USH2A: variants seen among roughly 807,000 people sequenced by gnomAD.
USH2A encodes the protein usherin, also known as Usher syndrome 2A (autosomal recessive, mild).
Under a neutral mutation model 538.9 loss-of-function variants are expected in USH2A, and 443 were observed. The observed-to-expected ratio is 0.82, with a 90% CI of 0.76 to 0.89. The LOEUF (loss-of-function observed/expected upper bound fraction) is 0.89. Ranked by LOEUF, USH2A falls within the 40% of genes least tolerant of loss-of-function variation. The probability of loss-of-function intolerance (pLI) is 0.00; values close to 1 mark genes in which losing one functional copy is unlikely to be tolerated. For missense variants in USH2A, 6,633 were observed against 6,324.8 expected, an observed-to-expected ratio of 1.05 and a Z score of -1.65; for synonymous variants, 2,413 against 2,273.5, an observed-to-expected ratio of 1.06 and a Z score of -1.75.
intron 61 of USH2A, among the ~76,000 whole-genome samples, chr1:215,694,994 C>T (rs2102684806): frequency 6.6e-6 from 1 of 152,124 alleles, no homozygotes; most frequent in Admixed American, 6.5e-5. Flanking sequence ...AGTGGTAATC[C>T]TAGGCAATGT....
intron 70 of USH2A, among the ~76,000 whole-genome samples, chr1:215,632,875 A>G (rs1656331233): frequency 6.6e-6 from 1 of 152,206 alleles, no homozygotes; most frequent in Admixed American, 6.5e-5. Context: ...GAACAGGAGC[A>G]AACAGCCCAT....
intron 60 of USH2A, among the ~76,000 whole-genome samples, chr1:215,733,957 C>T (rs1660079343): frequency 6.6e-6 from 1 of 152,172 alleles, no homozygotes; most frequent in Non-Finnish European, 1.5e-5. Flanking sequence ...GAAGTGGCCC[C>T]CTTCCCACAG....
intron 3 of USH2A, among the ~76,000 whole-genome samples, chr1:216,400,501 T>TG (rs921265048): frequency 4.6e-5 from 7 of 151,652 alleles, no homozygotes; most frequent in Admixed American, 3.9e-4. Flanking sequence ...GAGGAGAGAA[T>TG]GGCAGTGAAA....
At chr1:216,373,617 C>A (rs2038757451) in intron 3 of USH2A, among the ~76,000 whole-genome samples, 1 of 152,126 alleles carries the variant, frequency 6.6e-6, no homozygotes, top group Non-Finnish European at 1.5e-5. Flanking sequence ...AAAAGACATT[C>A]TTTTACATAA....
intron 61 of USH2A, among the ~76,000 whole-genome samples, chr1:215,697,527 A>ATT (rs66534325): frequency 1.8e-4 from 28 of 151,610 alleles, no homozygotes; most frequent in Non-Finnish European, 2.7e-4. Flanking sequence ...TTTTATTTAT[A>ATT]TTTTTTTTGT....
At chr1:215,749,631 C>A (rs531626915) in intron 58 of USH2A, among the ~76,000 whole-genome samples, 1 of 152,244 alleles carries the variant, frequency 6.6e-6, no homozygotes, top group African/African-American at 2.4e-5. Context: ...ATGAAATGGG[C>A]ATATTTGTTA....
intron 44 of USH2A, among the ~76,000 whole-genome samples, chr1:215,850,428 C>A (rs1663985925): frequency 6.6e-6 from 1 of 152,064 alleles, no homozygotes; most frequent in East Asian, 1.9e-4. Context: ...TTCTGGGCCC[C>A]ATGCATCTGG....
intron 64 of USH2A, among the ~76,000 whole-genome samples, chr1:215,661,193 T>A (rs976947173): frequency 1.3e-5 from 2 of 152,104 alleles, no homozygotes; most frequent in African/African-American, 2.4e-5. Context: ...ACGAGCTGGT[T>A]TTTCCCCAGA....
At chr1:215,679,385 G>A (rs529733200) in intron 62 of USH2A, among the ~76,000 whole-genome samples, 38 of 152,210 alleles carry the variant, frequency 2.5e-4, no homozygotes, top group Non-Finnish European at 5.1e-4. Context: ...TGCAGTCCCA[G>A]CCCGCAGAAG....
intron 11 of USH2A, among the ~76,000 whole-genome samples, chr1:216,279,092 C>A (rs2036723132): frequency 6.6e-6 from 1 of 151,962 alleles, no homozygotes; most frequent in Admixed American, 6.6e-5. Context: ...TTTTAAATAT[C>A]TCTTAATCAT....
intron 32 of USH2A, among the ~76,000 whole-genome samples, chr1:216,029,402 AC>A (rs1230740783): frequency 6.6e-6 from 1 of 152,094 alleles, no homozygotes; most frequent in African/African-American, 2.4e-5. Flanking sequence ...TATTTTGTGT[AC>A]ATATTAGTTA....
intron 21 of USH2A, among the ~76,000 whole-genome samples, chr1:216,121,050 T>C (rs769950043): frequency 7.2e-5 from 11 of 152,174 alleles, no homozygotes; most frequent in Non-Finnish European, 1.3e-4. Context: ...GAACATTTAT[T>C]TAAGAGGTGA....
At chr1:216,173,298 T>A (rs1020383792) in intron 21 of USH2A, among the ~76,000 whole-genome samples, 16 of 152,134 alleles carry the variant, frequency 1.1e-4, no homozygotes, top group Non-Finnish European at 2.2e-4. Flanking sequence ...AATAACTTAG[T>A]ATATACATGG....
intron 32 of USH2A, among the ~76,000 whole-genome samples, chr1:216,001,371 C>A (rs556271982): frequency 1.3e-5 from 2 of 152,096 alleles, no homozygotes; most frequent in South Asian, 2.1e-4. Context: ...TAGGGTAGTG[C>A]CCTAGGCTGA....
chr1:216,355,993 G>T (rs946183116), intron 4 of USH2A, among the ~76,000 whole-genome samples: 4 of 152,070 alleles, frequency 2.6e-5, no homozygotes, highest in Non-Finnish European at 5.9e-5. Context: ...ACCCTGAAAA[G>T]TATGTGTATA....
At chr1:216,362,400 G>A (rs2038508043) in intron 4 of USH2A, among the ~76,000 whole-genome samples, 1 of 151,958 alleles carries the variant, frequency 6.6e-6, no homozygotes, top group Admixed American at 6.6e-5. Flanking sequence ...TTTTCACTTA[G>A]AGGAATGTCA....
At chr1:215,986,833 G>A (rs985069309) in intron 35 of USH2A, among the ~76,000 whole-genome samples, 5 of 151,984 alleles carry the variant, frequency 3.3e-5, no homozygotes, top group African/African-American at 1.2e-4. Flanking sequence ...TAATTCATTC[G>A]ACAGCTTTAT....
intron 35 of USH2A, among the ~76,000 whole-genome samples, chr1:215,973,051 T>C (rs1449449720): frequency 6.6e-6 from 1 of 152,150 alleles, no homozygotes; most frequent in Non-Finnish European, 1.5e-5. Context: ...TGTCAGGCTC[T>C]CTGTGAAGCA....
chr1:216,098,573 T>C (rs2032501116), intron 21 of USH2A, among the ~76,000 whole-genome samples: 1 of 152,156 alleles, frequency 6.6e-6, no homozygotes, highest in Admixed American at 6.5e-5. Context: ...AGAAAAACTT[T>C]AGCTAGGATT....
Sources: allele counts gnomAD v4.1 joint callset (sites outside exome capture counted in the v4.1 genomes callset), GRCh38; gene constraint gnomAD v4.1.1; transcripts MANE v1.5; gene names NCBI Gene and HGNC (gene_info 2026-07-23, HGNC 2026-07-21).